Variants in ZNF646 observed in about 807,000 individuals in gnomAD.
ZNF646 encodes the protein zinc finger protein 646.
In ZNF646, 49 loss-of-function variants were observed where a neutral mutation model predicts 115.4. The ratio of observed to expected loss-of-function variants is 0.42; its 90% CI spans 0.34 to 0.54. ZNF646 has a LOEUF of 0.54. Ranked by LOEUF, ZNF646 falls within the 20% of genes least tolerant of loss-of-function variation. ZNF646 has a pLI of 0.04. For missense variants in ZNF646, 2,269 were observed against 2,457.9 expected (o/e 0.92, Z 1.62); for synonymous variants, 933 against 939.0 (o/e 0.99, Z 0.12).
intron 2 of ZNF646, chr16:31,081,962 T>G (rs2057168514): frequency 1.9e-6 from 1 of 536,530 alleles, no homozygotes; most frequent in East Asian, 3.0e-5. Context: ...CCTGGGCTCC[T>G]CCATTACACT....
In ZNF646 at chr16:31,081,224, G is replaced by C; in HGVS notation, c.4900G>C (p.Val1634Leu). ...PKAGTGEDQV[V>L]LPGQGKAQEA... ...AGCCGGGACTGGGGAGGACCAGGTG[G>C]TTCTCCCTGGTCAAGGGAAAGCCCA... Residue 1634 changes from valine (V) to leucine (L), a missense_variant, in exon 2 of 3, where the codon GTT (valine) becomes CTT (leucine). By Grantham distance (32) the Val-to-Leu change is conservative. Around this residue, in one of 5 missense-constraint regions of ZNF646, gnomAD observed 1,062 missense variants for 1,172.8 expected, o/e 0.91. Transcript: ENST00000300850. 1 of 1,590,770 alleles carries C rather than the reference G, an allele frequency of 6.3e-7. No individual in the cohort carries two copies. Among genetic ancestry groups the C allele is most frequent in the African/African-American group, 1.3e-5 (1 of 74,184 alleles).
Position 31,080,617 on chromosome 16 carries a change from T to A in ZNF646, c.4293T>A (p.Asp1431Glu), listed in dbSNP as rs1336287769. 6.2e-7 allele frequency: 1 copy of A among 1,613,992 alleles called. No individual in the cohort carries two copies. Among genetic ancestry groups the A allele is most frequent in the Admixed American group, 1.7e-5 (1 of 60,016 alleles). ...GGAEPVPHLE[D>E]GVPRPGERSQ... is the part of the protein sequence containing the mutation. ...CTGAGCCAGTACCCCACTTGGAGGA[T>A]GGAGTCCCAAGGCCAGGGGAGCGCA... The change falls in exon 2 of 3, where the codon GAT becomes GAA. Residue 1431 changes from aspartate (D) to glutamate (E), a missense_variant. By Grantham distance (45) the Asp-to-Glu change is conservative (BLOSUM62 2). Around this residue, in one of 5 missense-constraint regions of ZNF646, gnomAD observed 1,062 missense variants for 1,172.8 expected, o/e 0.91. Transcript: ENST00000300850.
In ZNF646 at chr16:31,080,476, G is replaced by A; in HGVS notation, c.4152G>A (p.Arg1384=). 1 of 1,613,526 alleles carries A rather than the reference G, an allele frequency of 6.2e-7. No homozygotes were observed. ...PGRGSLERHL[R]EHEETEREPA... ...GGGGATCTTTGGAGCGGCACCTGCG[G>A]GAGCATGAGGAGACAGAAAGGGAGC... The change falls in exon 2 of 3, where the codon CGG becomes CGA. Residue 1384 remains arginine, a synonymous_variant. Coordinates refer to ENST00000300850, the MANE Select transcript of ZNF646 (RefSeq NM_014699.4).
chr16:31,083,052 CT>C lies in ZNF646; in HGVS notation c.5461del (p.Ser1821HisfsTer40), dbSNP rs1416163399. On this transcript the variant is annotated frameshift_variant, in exon 3 of 3. Coordinates refer to ENST00000300850, the MANE Select transcript of ZNF646 (RefSeq NM_014699.4). LOFTEE classifies it high-confidence loss of function. ...ACCCCCACGACCCCACTCCTGGATC[CT>C]TCACCCCAGTGGCCTGCAGACCTCA... ...PPTPTTPLLD[P>X]SPQWPADLSF... is the part of the protein sequence containing the mutation. The C allele has an allele frequency of 4.4e-6, 7 of 1,603,578 alleles. No homozygotes were observed. Among genetic ancestry groups the C allele is most frequent in the Non-Finnish European group, 6.0e-6 (7 of 1,176,370 alleles).
chr16:31,079,685 A>G lies in ZNF646; in HGVS notation c.3361A>G (p.Ser1121Gly), dbSNP rs774444145. The G allele has an allele frequency of 1.4e-5, 23 of 1,613,428 alleles. No homozygotes were observed. The highest frequency in any genetic ancestry group is 5.0e-5 in the Admixed American group (3 of 59,990). ...VGPIPEAAGS[S>G]ELQVGPIPEG... ...GCCCATCCCAGAGGCAGCAGGTAGC[A>G]GTGAGCTGCAGGTTGGGCCCATCCC... The change falls in exon 2 of 3, where the codon AGT becomes GGT. Residue 1121 changes from serine (S) to glycine (G), a missense_variant. Transcript: ENST00000300850. This position sits in a 1 kb window ranked among gnomAD's most constrained non-coding sequence, Gnocchi z 5.5.
rs375144906 is a variant in ZNF646 at position 31,080,558 on chromosome 16, G to A, written c.4234G>A (p.Gly1412Ser). ...GTAASEANLT[G>S]SQGLETQLGG... ...AGCGGCCAGTGAGGCGAACCTGACT[G>A]GCAGCCAGGGACTAGAGACCCAATT... The change falls in exon 2 of 3, where the codon GGC becomes AGC. Residue 1412 changes from glycine to serine, a missense_variant. Physicochemically the swap from Gly to Ser is moderately conservative, Grantham distance 56 (BLOSUM62 0). Around this residue, in one of 5 missense-constraint regions of ZNF646, gnomAD observed 1,062 missense variants for 1,172.8 expected, o/e 0.91. Transcript: ENST00000300850. The A allele has an allele frequency of 5.6e-6, 9 of 1,613,954 alleles. No individual in the cohort carries two copies. The African/African-American group carries it at 1.2e-4, about 22-fold the overall frequency.
chr16:31,072,811 T>G (rs1329520919), upstream of ZNF646: 1 of 152,362 alleles, frequency 6.6e-6, no homozygotes, highest in Non-Finnish European at 1.5e-5. Flanking sequence ...CAATTCTCAA[T>G]CCTCCACCTC....
rs1267277952 is a variant in ZNF646 at position 31,076,290 on chromosome 16, CCTT to C, written c.-32_-30del. ...AGGAAGGTGCTGCCACGTGTCTGCT[CCTT>C]CTGAACCTCCAGGTTTCTGCTACGT... On this transcript the variant is annotated 5_prime_UTR_variant, in exon 2 of 3. Coordinates refer to ENST00000300850, the MANE Select transcript of ZNF646 (RefSeq NM_014699.4). 2 of 1,574,470 alleles carry C rather than the reference CCTT, an allele frequency of 1.3e-6. No individual in the cohort carries two copies. Among genetic ancestry groups the C allele is most frequent in the Non-Finnish European group, 1.7e-6 (2 of 1,156,692 alleles).
chr16:31,078,442 G>A lies in ZNF646; in HGVS notation c.2118G>A (p.Glu706=). 6.2e-7 allele frequency: 1 copy of A among 1,601,090 alleles called. No homozygotes were observed. Among genetic ancestry groups the A allele is most frequent in the Non-Finnish European group, 8.5e-7 (1 of 1,172,442 alleles). ...TRELEDNEGL[E]SPQDPSGESP... ...AGCTAGAAGACAATGAAGGCCTGGAGTCTCCCCAAGACCCTTCAGGGGAAA... is the reference window on the plus strand; with the variant it reads ...AGCTAGAAGACAATGAAGGCCTGGAATCTCCCCAAGACCCTTCAGGGGAAA... The change falls in exon 2 of 3, where the codon GAG becomes GAA. Residue 706 remains glutamate (E), a synonymous_variant. Transcript: ENST00000300850.
rs375780069 is a variant in ZNF646, at chr16:31,083,122, G to C, written c.*30G>C. 44 of 1,594,970 alleles carry C rather than the reference G, an allele frequency of 2.8e-5. No homozygotes were observed. The African/African-American group carries it at 5.6e-4, about 20-fold the overall frequency. On this transcript the variant is annotated 3_prime_UTR_variant, in exon 3 of 3. Transcript: ENST00000300850. ...CAAGTCTCCAAAGATCAGAATCTGGGGGAGGGAGCGCGTGCAGGGAGGGGC... is the reference window on the plus strand; with the variant it reads ...CAAGTCTCCAAAGATCAGAATCTGGCGGAGGGAGCGCGTGCAGGGAGGGGC...
rs983403902 is a variant in ZNF646, at chr16:31,077,935, C to T, written c.1611C>T (p.Leu537=). The change falls in exon 2 of 3, where the codon CTC becomes CTT. Residue 537 remains leucine (L), a synonymous_variant. Coordinates refer to ENST00000300850, the MANE Select transcript of ZNF646 (RefSeq NM_014699.4). ...CCCCCAGCCACCTCAAGGTAGAACT[C>T]CCGCCTGACCCAGTGGAGGCAGAGG... ...EGAPSHLKVE[L]PPDPVEAEAA... The T allele has an allele frequency of 6.8e-6, 11 of 1,613,740 alleles. No homozygotes were observed. The highest frequency in any genetic ancestry group is 8.5e-6 in the Non-Finnish European group (10 of 1,180,024).
At chr16:31,074,124 C>T (rs534811497), upstream of ZNF646, 9 of 152,340 alleles carry the variant, frequency 5.9e-5, no homozygotes, top group Admixed American at 3.9e-4. Flanking sequence ...TCCAGAGAGC[C>T]CCACGAAAAG....
Position 31,076,883 on chromosome 16 carries a change from T to G in ZNF646, c.559T>G (p.Trp187Gly), listed in dbSNP as rs549168537. 6.2e-7 allele frequency: 1 copy of G among 1,613,912 alleles called. No homozygotes were observed. Among genetic ancestry groups the G allele is most frequent in the Admixed American group, 1.7e-5 (1 of 60,004 alleles). The change falls in exon 2 of 3, where the codon TGG becomes GGG. Residue 187 changes from tryptophan to glycine, a missense_variant. Coordinates refer to ENST00000300850, the MANE Select transcript of ZNF646 (RefSeq NM_014699.4). ...HPGPEDGADGWGPSTNSARAP... is the reference protein window; with the variant it reads ...HPGPEDGADGGGPSTNSARAP... Reference sequence around the variant, plus strand: ...AGGTCCTGAGGATGGTGCAGACGGCTGGGGACCCTCCACTAACTCTGCCAG... The same window carrying G: ...AGGTCCTGAGGATGGTGCAGACGGCGGGGGACCCTCCACTAACTCTGCCAG...
In ZNF646 at chr16:31,080,336, C is replaced by A; in HGVS notation, c.4012C>A (p.Arg1338Ser). 1 of 1,613,608 alleles carries A rather than the reference C, an allele frequency of 6.2e-7. No individual in the cohort carries two copies. The highest frequency in any genetic ancestry group is 2.2e-5 in the East Asian group (1 of 44,884). ...CPTCPKTYSNRMALKDHQRLH... is the reference protein window; with the variant it reads ...CPTCPKTYSNSMALKDHQRLH... ...CACCTGCCCCAAGACCTACTCCAAC[C>A]GCATGGCCCTGAAGGACCACCAGAG... Residue 1338 changes from arginine (R) to serine (S), a missense_variant, in exon 2 of 3, where the codon CGC (arginine) becomes AGC (serine). Transcript: ENST00000300850.
At position 31,077,944 on chromosome 16, in the gene ZNF646, C is replaced by T; in HGVS notation, c.1620C>T (p.Asp540=). ...ACCTCAAGGTAGAACTCCCGCCTGA[C>T]CCAGTGGAGGCAGAGGCAGCCCCGC... ...PSHLKVELPP[D]PVEAEAAPHT... is the part of the protein sequence containing the mutation. Residue 540 remains aspartate, a synonymous_variant, in exon 2 of 3, where the codon GAC becomes GAT. Coordinates refer to ENST00000300850, the MANE Select transcript of ZNF646 (RefSeq NM_014699.4). 6.2e-7 allele frequency: 1 copy of T among 1,613,928 alleles called. No individual in the cohort carries two copies.
intron 1 of ZNF646, chr16:31,075,958 A>T: frequency 5.0e-6 from 1 of 201,858 alleles, no homozygotes; most frequent in Non-Finnish European, 9.9e-6. Flanking sequence ...TGGTCTGAAG[A>T]ACATAACAGG....
In ZNF646 at chr16:31,076,361, T is replaced by C. The variant is rs202098925; in HGVS notation, c.37T>C (p.Cys13Arg). The C allele has an allele frequency of 3.1e-6, 5 of 1,613,218 alleles. No homozygotes were observed. The highest frequency in any genetic ancestry group is 3.3e-5 in the Admixed American group (2 of 59,898). ...ACCCCCCTCACTCAGCTGCTCCGAC[T>C]GTCAGCGCCACTTTCCCAGCCTCCC... ...DTPPSLSCSD[C>R]QRHFPSLPEL... The change falls in exon 2 of 3, where the codon TGT becomes CGT. Residue 13 changes from cysteine to arginine, a missense_variant. Coordinates refer to ENST00000300850, the MANE Select transcript of ZNF646 (RefSeq NM_014699.4).
In ZNF646 at chr16:31,077,318, A is replaced by C. The variant is rs1185612574; in HGVS notation, c.994A>C (p.Thr332Pro). The part of the protein sequence containing the change: ...EPRWEEKGMP[T>P]TNGHTDESSQ... ...ACGCTGGGAGGAGAAAGGGATGCCCACCACCAATGGGCACACAGATGAGAG... is the reference window on the plus strand; with the variant it reads ...ACGCTGGGAGGAGAAAGGGATGCCCCCCACCAATGGGCACACAGATGAGAG... Residue 332 changes from threonine (T) to proline (P), a missense_variant, in exon 2 of 3, where the codon ACC becomes CCC. Around this residue, in one of 5 missense-constraint regions of ZNF646, gnomAD observed 852 missense variants for 900.2 expected, o/e 0.95. Coordinates refer to ENST00000300850, the MANE Select transcript of ZNF646 (RefSeq NM_014699.4). The C allele has an allele frequency of 6.2e-7, 1 of 1,613,464 alleles. No individual in the cohort carries two copies. Among genetic ancestry groups the C allele is most frequent in the Non-Finnish European group, 8.5e-7 (1 of 1,179,830 alleles).
At position 31,077,070 on chromosome 16, in the gene ZNF646, A is replaced by G. The variant is rs2057087096; in HGVS notation, c.746A>G (p.Lys249Arg). 3 of 1,614,002 alleles carry G rather than the reference A, an allele frequency of 1.9e-6. No individual in the cohort carries two copies. The highest frequency in any genetic ancestry group is 1.1e-5 in the South Asian group (1 of 91,070). Residue 249 changes from lysine (K) to arginine (R), a missense_variant, in exon 2 of 3, where the codon AAG becomes AGG. By Grantham distance (26) the Lys-to-Arg change is conservative (BLOSUM62 2). Transcript: ENST00000300850. ...YKCSQCGKTY[K>R]HAGSLTNHRQ... ...TGTAGTCAGTGTGGCAAGACCTACAAGCACGCCGGGAGCCTCACCAACCAC... is the reference window on the plus strand; with the variant it reads ...TGTAGTCAGTGTGGCAAGACCTACAGGCACGCCGGGAGCCTCACCAACCAC...
Sources: gnomAD v4.1 joint callset for allele counts on GRCh38, gnomAD v4.1.1 for gene constraint, gnomAD v4.1.1 regional missense constraint, Gnocchi (gnomAD v3.1) non-coding constraint, MANE v1.5 for transcripts, NCBI Gene and HGNC (gene_info 2026-07-23, HGNC 2026-07-21) for gene names.